The following TP53I13 variants were observed in gnomAD, a reference collection of about 807,000 sequenced individuals.
TP53I13 encodes the protein tumor protein p53 inducible protein 13, also known as tumor protein p53-inducible protein 13.
Under a neutral mutation model 39.1 loss-of-function variants are expected in TP53I13, and 27 were observed. The observed-to-expected ratio is 0.69, with a 90% CI of 0.51 to 0.95. The LOEUF is 0.95. Ranked by LOEUF, TP53I13 falls within the 40% of genes least tolerant of loss-of-function variation. The pLI is 0.00. For synonymous variants in TP53I13, 230 were observed against 224.6 expected (o/e 1.02, Z -0.22); for missense variants, 544 against 520.4 (o/e 1.05, Z -0.44).
chr17:29,575,269 C>A, downstream of TP53I13: 1 of 1,599,952 alleles, frequency 6.3e-7, no homozygotes, highest in Non-Finnish European at 8.5e-7. The surrounding 1 kb of genome is among the most constrained non-coding windows in gnomAD (Gnocchi z 5.5). Context: ...TCCCCCTCAC[C>A]TCCCCCTCCA....
the TP53I13 span, chr17:29,581,171 C>T: frequency 6.3e-6 from 4 of 631,526 alleles, no homozygotes; most frequent in Non-Finnish European, 1.1e-5. The surrounding 1 kb of genome is among the most constrained non-coding windows in gnomAD (Gnocchi z 4.8). Context: ...CATTTTTTAC[C>T]TGCCTTGGGG....
chr17:29,577,795 G>T (rs1259350211), downstream of TP53I13: 5 of 1,120,422 alleles, frequency 4.5e-6, no homozygotes, highest in Non-Finnish European at 6.8e-6. Flanking sequence ...CCCCCAAGGT[G>T]GGGGTGGGGA....
chr17:29,567,390 T>G (rs1299740121), upstream of TP53I13: 5 of 151,582 alleles, frequency 3.3e-5, no homozygotes, highest in South Asian at 4.2e-4. This position sits in a 1 kb window ranked among gnomAD's most constrained non-coding sequence, Gnocchi z 6.6. Context: ...CAGAGGCCGA[T>G]GAAAAGAAGC....
intron 3 of TP53I13, 113 bp from the exon 4 acceptor site, chr17:29,571,478 G>C: frequency 6.9e-7 from 1 of 1,455,278 alleles, no homozygotes; most frequent in South Asian, 1.3e-5. Context: ...GAAGGTAGAA[G>C]AGCCATCCAG....
At chr17:29,566,983 C>G, upstream of TP53I13, 6 of 1,300,362 alleles carry the variant, frequency 4.6e-6, no homozygotes, top group Non-Finnish European at 4.9e-6. Flanking sequence ...GCTGGAGAGC[C>G]CCGGCGGGCA....
chr17:29,566,440 C>G (rs745944951), upstream of TP53I13: 5 of 1,612,372 alleles, frequency 3.1e-6, no homozygotes, highest in Non-Finnish European at 4.2e-6. Context: ...CAAGCAAAGG[C>G]CGAGCACGTT....
Position 29,572,387 on chromosome 17 carries a change from C to T in TP53I13, c.759C>T (p.Ser253=), listed in dbSNP as rs1242620448. ...ATGCCCCATCTGTGCCCACTGTCTC[C>T]CTGCTGCCGGGGGCGCCTGGAGGCA... ...ESNAPSVPTV[S]LLPGAPGGNA... is the part of the protein sequence containing the mutation. The change falls in exon 6 of 7, where the codon TCC becomes TCT. Residue 253 remains serine, a synonymous_variant. Transcript: ENST00000301057. 31 of 1,598,066 alleles carry T rather than the reference C, an allele frequency of 1.9e-5. No homozygotes were observed. The East Asian group carries it at 7.0e-4, about 36-fold the overall frequency.
chr17:29,577,298 C>T (rs777537881), downstream of TP53I13: 82 of 1,402,998 alleles, frequency 5.8e-5, no homozygotes, highest in Non-Finnish European at 7.4e-5. Context: ...TTATGACTGA[C>T]GCAGGACGGC....
chr17:29,572,798 CGCCCG>C lies in TP53I13; in HGVS notation c.1070-9_1070-5del. On this transcript the variant is annotated splice_polypyrimidine_tract_variant and intron_variant, in intron 6 of 6. Transcript: ENST00000301057. ...TGCCCTCCCGCCCTTGACTGCTCGGCGCCCGGCCCACAGCTGTGCTGAAGCGGAGG... is the reference window on the plus strand; with the variant it reads ...TGCCCTCCCGCCCTTGACTGCTCGGCGCCCACAGCTGTGCTGAAGCGGAGG... The C allele has an allele frequency of 6.5e-7, 1 of 1,527,258 alleles. No homozygotes were observed. The highest frequency in any genetic ancestry group is 2.5e-5 in the East Asian group (1 of 40,320). The allele number at this position is 1,527,258 out of a possible 1,614,324, so 94.6% of individuals were successfully genotyped here.
Position 29,572,657 on chromosome 17 carries a change from C to G in TP53I13, c.1029C>G (p.Ile343Met). Reference protein sequence around the residue: ...LHRNFRRGESIYWGPTADSQD... With the variant: ...LHRNFRRGESMYWGPTADSQD... ...GAAACTTCCGACGCGGGGAGAGCAT[C>G]TACTGGGGGCCCACAGCGGACAGCC... Residue 343 changes from isoleucine to methionine, a missense_variant, in exon 6 of 7, where the codon ATC becomes ATG. Transcript: ENST00000301057. The G allele has an allele frequency of 6.3e-7, 1 of 1,581,758 alleles. No homozygotes were observed. Among genetic ancestry groups the G allele is most frequent in the Non-Finnish European group, 8.6e-7 (1 of 1,164,806 alleles).
chr17:29,568,952 C>T lies in TP53I13; in HGVS notation c.73-66C>T. 6.3e-7 allele frequency: 1 copy of T among 1,592,028 alleles called. No individual in the cohort carries two copies. The highest frequency in any genetic ancestry group is 1.1e-5 in the South Asian group (1 of 89,236). ...GGAGTTCTTCCGCTGGCGGGCTGGG[C>T]CTGGGGAGAGAGAGGGCAGGGCCTC... On this transcript the variant is annotated intron_variant, in intron 1 of 6. Transcript: ENST00000301057. This position sits in a 1 kb window ranked among gnomAD's most constrained non-coding sequence, Gnocchi z 4.5.
At chr17:29,569,500 C>CTGAGGGAAGTGGTAAGGAATGGGG in intron 3 of TP53I13, 141 bp downstream of exon 3, 1 of 769,190 alleles carries the variant, frequency 1.3e-6, no homozygotes, top group Non-Finnish European at 2.1e-6. Flanking sequence ...AGTTCTCTGC[C>CTGAGGGAAGTGGTAAGGAATGGGG]CCACCTCCAA....
chr17:29,581,748 T>C, the TP53I13 span: 1 of 1,609,782 alleles, frequency 6.2e-7, no homozygotes, highest in Non-Finnish European at 8.5e-7. This position sits in a 1 kb window ranked among gnomAD's most constrained non-coding sequence, Gnocchi z 4.8. Flanking sequence ...TCACCCGGCT[T>C]GCGTCCACAG....
Position 29,569,373 on chromosome 17 carries a change from G to A in TP53I13, c.183+14G>A. On this transcript the variant is annotated intron_variant, in intron 3 of 6. Coordinates refer to ENST00000301057, the MANE Select transcript of TP53I13 (RefSeq NM_138349.4). Reference sequence around the variant, plus strand: ...AGCCCAGGGCAGGTGAGTACAAGCAGGGGCCCACCACCCTTGGTGTCCACG... The same window carrying A: ...AGCCCAGGGCAGGTGAGTACAAGCAAGGGCCCACCACCCTTGGTGTCCACG... The A allele has an allele frequency of 6.2e-7, 1 of 1,613,236 alleles. No homozygotes were observed. The highest frequency in any genetic ancestry group is 1.1e-5 in the South Asian group (1 of 90,916).
Position 29,571,665 on chromosome 17 carries a change from T to C in TP53I13, c.258T>C (p.Tyr86=). 1 of 1,614,204 alleles carries C rather than the reference T, an allele frequency of 6.2e-7. No individual in the cohort carries two copies. The highest frequency in any genetic ancestry group is 2.2e-5 in the East Asian group (1 of 44,894). Residue 86 remains tyrosine (Y), a synonymous_variant, in exon 4 of 7, where the codon TAT becomes TAC. Coordinates refer to ENST00000301057, the MANE Select transcript of TP53I13 (RefSeq NM_138349.4). The part of the protein sequence containing the change: ...WLKLQLALLA[Y]ACMANPSLTP... ...AGCTCCAGCTTGCCCTCCTGGCCTA[T>C]GCTTGTATGGCTAACCCTTCCCTCA...
chr17:29,566,889 C>T (rs2032730020), upstream of TP53I13: 1 of 1,494,892 alleles, frequency 6.7e-7, no homozygotes, highest in African/African-American at 1.5e-5. Flanking sequence ...CCCAGGGTCC[C>T]CGGAGCCGCG....
chr17:29,580,467 C>T, the TP53I13 span, among the ~76,000 whole-genome samples: 10 of 152,334 alleles, frequency 6.6e-5, no homozygotes, highest in South Asian at 2.1e-4. Flanking sequence ...GGCATGAGGA[C>T]ATGGCCATCA....
At chr17:29,581,370 A>G in the TP53I13 span, 1 of 1,612,738 alleles carries the variant, frequency 6.2e-7, no homozygotes, top group Non-Finnish European at 8.5e-7. This position sits in a 1 kb window ranked among gnomAD's most constrained non-coding sequence, Gnocchi z 4.8. Flanking sequence ...TGTAATGCCC[A>G]TTCTTGTGAT....
chr17:29,577,594 G>T, downstream of TP53I13: 3 of 1,175,964 alleles, frequency 2.6e-6, no homozygotes, highest in South Asian at 2.4e-5. Context: ...GATGAGGAGG[G>T]ACCGCGGGGA....
Sources: gnomAD v4.1 joint callset for allele counts (sites outside exome capture counted in the v4.1 genomes callset) on GRCh38, gnomAD v4.1.1 for gene constraint, Gnocchi (gnomAD v3.1) non-coding constraint, MANE v1.5 for transcripts, NCBI Gene and HGNC (gene_info 2026-07-23, HGNC 2026-07-21) for gene names.